The following CLIP1 variants were observed in gnomAD, a reference collection of about 807,000 sequenced individuals.
CLIP1 encodes CAP-Gly domain-containing linker protein 1.
In CLIP1, 66 loss-of-function variants were observed where a neutral mutation model predicts 161.6. The observed-to-expected ratio is 0.41, with a 90% confidence interval of 0.33 to 0.50. The LOEUF (loss-of-function observed/expected upper bound fraction) is 0.50. Among genes scored for constraint, CLIP1 ranks in the 20% least tolerant of loss-of-function variants. The pLI, the probability that CLIP1 is intolerant of heterozygous loss-of-function variation, is 0.27. For synonymous variants in CLIP1, 598 were observed against 626.2 expected (o/e 0.96, Z 0.67); for missense variants, 1,376 against 1,702.0 (o/e 0.81, Z 3.37).
At chr12:122,307,078 C>T (rs372519940) in intron 20 of CLIP1, among the ~76,000 whole-genome samples, 17 of 138,520 alleles carry the variant, frequency 1.2e-4, no homozygotes, top group Admixed American at 8.1e-4. Context: ...GGCACGATCT[C>T]GGCTCACTGT....
intron 18 of CLIP1, 54 bp from the exon 19 acceptor site, chr12:122,316,909 T>G: frequency 9.5e-7 from 1 of 1,051,500 alleles, no homozygotes; most frequent in Non-Finnish European, 1.4e-6. Flanking sequence ...TCCAGTGACA[T>G]GAATGAACAA....
At chr12:122,324,512 T>A (rs1046303388) in intron 17 of CLIP1, among the ~76,000 whole-genome samples, 8 of 152,200 alleles carry the variant, frequency 5.3e-5, no homozygotes, top group African/African-American at 1.9e-4. Flanking sequence ...ATAGAAACTA[T>A]CTGAATAACA....
At position 122,341,608 on chromosome 12, in the gene CLIP1, C is replaced by T. The variant is rs1458574266; in HGVS notation, c.1596G>A (p.Arg532=). 3.7e-6 allele frequency: 6 copies of T among 1,613,462 alleles called. No individual in the cohort carries two copies. Among genetic ancestry groups the T allele is most frequent in the Non-Finnish European group, 4.2e-6 (5 of 1,179,988 alleles). Residue 532 remains arginine, a synonymous_variant, in exon 11 of 26, where the codon AGG becomes AGA. Coordinates refer to ENST00000620786, the MANE Select transcript of CLIP1 (RefSeq NM_001247997.2). ...RVQEVAELRR[R]LESNKPAGDV... is the part of the protein sequence containing the mutation. The stretch of plus-strand genomic sequence containing the variant: ...CCCCAGCAGGCTTATTGGACTCTAG[C>T]CTTCTTCGGAGCTCAGCTACTTCCT...
intron 20 of CLIP1, among the ~76,000 whole-genome samples, chr12:122,301,606 G>A (rs1950681272): frequency 1.3e-5 from 2 of 152,160 alleles, no homozygotes; most frequent in African/African-American, 4.8e-5. Context: ...CCCGGGAGGC[G>A]GAGGTTGCAG....
rs781459434 is a variant in CLIP1 at position 122,380,459 on chromosome 12, T to C, written c.-7A>G. On this transcript the variant is annotated 5_prime_UTR_variant, in exon 2 of 26. Coordinates refer to ENST00000620786, the MANE Select transcript of CLIP1 (RefSeq NM_001247997.2). ...TTGGCTTTAGCATACTCATTTTCTT[T>C]GTATGTCAGAGCTGTTTCTCCTTTG... 1.9e-6 allele frequency: 3 copies of C among 1,597,270 alleles called. No homozygotes were observed.
chr12:122,397,997 G>A (rs1242240990), intron 1 of CLIP1, among the ~76,000 whole-genome samples: 1 of 151,644 alleles, frequency 6.6e-6, no homozygotes, highest in African/African-American at 2.4e-5. Context: ...ATCAGTTTCA[G>A]CCACTGAAAT....
intron 1 of CLIP1, among the ~76,000 whole-genome samples, chr12:122,421,545 C>G (rs1956943489): frequency 6.6e-6 from 1 of 152,176 alleles, no homozygotes; most frequent in South Asian, 2.1e-4. Context: ...CACACACACA[C>G]AATTACAGAA....
chr12:122,316,138 A>G (rs1951260001), intron 19 of CLIP1, among the ~76,000 whole-genome samples: 1 of 151,218 alleles, frequency 6.6e-6, no homozygotes, highest in African/African-American at 2.4e-5. Context: ...GGATCACTTG[A>G]GGTCGGAAGT....
intron 10 of CLIP1, among the ~76,000 whole-genome samples, chr12:122,344,209 G>A (rs1952640798): frequency 6.6e-6 from 1 of 152,114 alleles, no homozygotes; most frequent in African/African-American, 2.4e-5. Context: ...AAGAGAAGAG[G>A]AAAAGAAAGC....
At chr12:122,421,200 A>T (rs1356617913) in intron 1 of CLIP1, among the ~76,000 whole-genome samples, 1 of 151,640 alleles carries the variant, frequency 6.6e-6, no homozygotes, top group East Asian at 2.0e-4. Context: ...AATAAAACAC[A>T]TAAAAAGCTA....
chr12:122,357,508 G>C (rs1409872560), intron 5 of CLIP1, among the ~76,000 whole-genome samples: 1 of 196 alleles, frequency 5.1e-3, no homozygotes, highest in Non-Finnish European at 0.012. Flanking sequence ...GAGGGAGGTG[G>C]GGGGGGTCAG....
At chr12:122,284,819 T>A (rs1360823082) in intron 21 of CLIP1, among the ~76,000 whole-genome samples, 1 of 152,228 alleles carries the variant, frequency 6.6e-6, no homozygotes, top group African/African-American at 2.4e-5. Context: ...AAAAATTCAC[T>A]CAGAAGAGAA....
chr12:122,358,762 A>T (rs917653280), intron 5 of CLIP1, among the ~76,000 whole-genome samples: 41 of 149,968 alleles, frequency 2.7e-4, no homozygotes, highest in African/African-American at 9.0e-4. Flanking sequence ...AAAAAAAAAA[A>T]GAATGAATTG....
intron 1 of CLIP1, among the ~76,000 whole-genome samples, chr12:122,401,726 T>C (rs2137085071): frequency 6.7e-6 from 1 of 149,246 alleles, no homozygotes; most frequent in East Asian, 2.0e-4. Flanking sequence ...CGGCTGGGCA[T>C]GCTGGCTCAT....
intron 10 of CLIP1, among the ~76,000 whole-genome samples, chr12:122,344,297 G>A (rs989816790): frequency 6.6e-5 from 10 of 152,084 alleles, no homozygotes; most frequent in Non-Finnish European, 1.5e-4. Flanking sequence ...TGTGCTTCGT[G>A]GTTATAGACT....
intron 3 of CLIP1, among the ~76,000 whole-genome samples, chr12:122,376,928 C>G (rs1353540269): frequency 1.3e-5 from 2 of 151,980 alleles, no homozygotes; most frequent in African/African-American, 4.8e-5. Context: ...ATAAACTGAA[C>G]TGATTAATTT....
At chr12:122,418,967 A>G (rs151212154) in intron 1 of CLIP1, among the ~76,000 whole-genome samples, 108 of 152,300 alleles carry the variant, frequency 7.1e-4, no homozygotes, top group African/African-American at 2.6e-3. Flanking sequence ...TTGTAATGTT[A>G]ACAAATATTA....
chr12:122,365,548 T>C (rs535841292), intron 3 of CLIP1: 19 of 1,116,482 alleles, frequency 1.7e-5, no homozygotes, highest in Non-Finnish European at 2.6e-5. Context: ...GCCAGCCTGC[T>C]CCACCCAGAG....
At chr12:122,291,437 G>A (rs929043359) in intron 20 of CLIP1, among the ~76,000 whole-genome samples, 8 of 152,126 alleles carry the variant, frequency 5.3e-5, no homozygotes, top group African/African-American at 1.4e-4. Context: ...TGATCCACCC[G>A]CCATGGCATC....
Sources: allele counts gnomAD v4.1 joint callset (sites outside exome capture counted in the v4.1 genomes callset), GRCh38; gene constraint gnomAD v4.1.1; transcripts MANE v1.5; gene names NCBI Gene and HGNC (gene_info 2026-07-23, HGNC 2026-07-21).